The following IFT70A variants were observed in gnomAD, a reference collection of about 807,000 sequenced individuals.
IFT70A encodes the protein intraflagellar transport protein 70A.
chr2:177,614,708 C>T, the IFT70A span: 1 of 151,990 alleles, frequency 6.6e-6, no homozygotes, highest in African/African-American at 2.4e-5. Flanking sequence ...CCCTATAATT[C>T]TATAATTGAC....
At chr2:177,618,346 T>TG in the IFT70A span, 1 of 1,613,648 alleles carries the variant, frequency 6.2e-7, no homozygotes, top group African/African-American at 1.3e-5. Context: ...GATGGCAGCT[T>TG]GCAGGCGGAG....
At chr2:177,616,601 G>T in the IFT70A span, 1 of 1,101,790 alleles carries the variant, frequency 9.1e-7, no homozygotes, top group Non-Finnish European at 1.3e-6. Flanking sequence ...AAGTGGATAA[G>T]ATTCAAAATA....
chr2:177,618,614 C>T, the IFT70A span: 2 of 1,608,806 alleles, frequency 1.2e-6, no homozygotes, highest in Middle Eastern at 1.6e-4. Context: ...AGCTGCACCG[C>T]CTCGGCGTAG....
chr2:177,616,000 A>C, the IFT70A span: 1 of 152,180 alleles, frequency 6.6e-6, no homozygotes, highest in African/African-American at 2.4e-5. Flanking sequence ...AAAATCAAAA[A>C]TAGAACATGA....
chr2:177,618,348 C>G, the IFT70A span: 1 of 1,613,470 alleles, frequency 6.2e-7, no homozygotes, highest in Non-Finnish European at 8.5e-7. Context: ...TGGCAGCTTG[C>G]AGGCGGAGGA....
the IFT70A span, chr2:177,613,109 T>C: frequency 6.6e-6 from 1 of 152,260 alleles, no homozygotes. Flanking sequence ...CCTCAGTTTC[T>C]GAAACTACTT....
chr2:177,617,042 A>T, the IFT70A span: 1 of 1,613,598 alleles, frequency 6.2e-7, no homozygotes, highest in Non-Finnish European at 8.5e-7. Flanking sequence ...TTGGCACAAT[A>T]AAGAGTTCCT....
chr2:177,616,896 T>G, the IFT70A span: 1 of 1,595,498 alleles, frequency 6.3e-7, no homozygotes, highest in Non-Finnish European at 8.5e-7. Context: ...CATGAATGAC[T>G]ATCATGTGTT....
the IFT70A span, chr2:177,613,391 A>G: frequency 6.6e-6 from 1 of 152,312 alleles, no homozygotes; most frequent in South Asian, 2.1e-4. Flanking sequence ...TTTGCTTTAC[A>G]ATGTTAGGGT....
At chr2:177,614,680 G>C in the IFT70A span, 1 of 152,234 alleles carries the variant, frequency 6.6e-6, no homozygotes, top group African/African-American at 2.4e-5. Context: ...TCAACTTCCA[G>C]CTATCAGAGA....
At chr2:177,618,193 T>C in the IFT70A span, 1 of 1,614,240 alleles carries the variant, frequency 6.2e-7, no homozygotes, top group Non-Finnish European at 8.5e-7. Flanking sequence ...TGCAGCTTCA[T>C]ACTGTCCCTC....
At chr2:177,613,594 G>C in the IFT70A span, 2 of 152,160 alleles carry the variant, frequency 1.3e-5, no homozygotes, top group East Asian at 1.9e-4. Flanking sequence ...TTAAGATCTT[G>C]AGAGTTTGTG....
chr2:177,616,858 A>C, the IFT70A span: 1 of 1,594,580 alleles, frequency 6.3e-7, no homozygotes, highest in Non-Finnish European at 8.5e-7. Flanking sequence ...GTGTCCTAAA[A>C]ACTGGACACA....
At chr2:177,615,050 TTC>T in the IFT70A span, 1 of 152,338 alleles carries the variant, frequency 6.6e-6, no homozygotes, top group East Asian at 1.9e-4. Flanking sequence ...ATTACTTCTG[TTC>T]TGTTAATGGC....
the IFT70A span, chr2:177,618,251 C>T: frequency 2.5e-6 from 4 of 1,614,118 alleles, no homozygotes; most frequent in African/African-American, 2.7e-5. Context: ...GTCTCATTGT[C>T]GCCTCCACTT....
chr2:177,617,912 G>A, the IFT70A span: 1 of 1,614,214 alleles, frequency 6.2e-7, no homozygotes, highest in Non-Finnish European at 8.5e-7. Context: ...TAGTTTCTCA[G>A]TTGGTATTCT....
chr2:177,615,681 A>G, the IFT70A span: 78 of 152,304 alleles, frequency 5.1e-4, no homozygotes, highest in African/African-American at 1.7e-3. Flanking sequence ...AGGTCATAAA[A>G]AAAGAAAGGC....
the IFT70A span, chr2:177,618,621 G>A: frequency 5.6e-6 from 9 of 1,609,606 alleles, no homozygotes; most frequent in Admixed American, 1.7e-5. Flanking sequence ...CCGCCTCGGC[G>A]TAGCGGGCAT....
the IFT70A span, chr2:177,617,201 G>A: frequency 5.0e-6 from 8 of 1,607,584 alleles, no homozygotes; most frequent in Non-Finnish European, 6.8e-6. Context: ...AGATTAGCCA[G>A]TACAATAGCA....
Sources: allele counts gnomAD v4.1 joint callset, GRCh38; gene constraint gnomAD v4.1.1; transcripts MANE v1.5; gene names NCBI Gene and HGNC (gene_info 2026-07-23, HGNC 2026-07-21).